The following FAIM2 variants were observed in gnomAD, a reference collection of about 807,000 sequenced individuals.
The protein encoded by FAIM2 is Fas apoptotic inhibitory molecule 2.
FAIM2 carries 27 observed loss-of-function variants against 47.4 expected under a neutral mutation model. The observed-to-expected ratio is 0.57, with a 90% confidence interval of 0.42 to 0.78. The LOEUF is 0.78. FAIM2 is among the 30% of genes least tolerant of loss of function. The pLI is 0.00. For missense variants in FAIM2, 311 were observed against 389.4 expected, an observed-to-expected ratio of 0.80 and a Z score of 1.69; for synonymous variants, 156 against 159.3, an observed-to-expected ratio of 0.98 and a Z score of 0.16.
chr12:49,876,696 C>T (rs2137081071), intron 11 of FAIM2, among the ~76,000 whole-genome samples: 1 of 152,070 alleles, frequency 6.6e-6, no homozygotes, highest in Non-Finnish European at 1.5e-5. Flanking sequence ...GGCGTGAACC[C>T]AGGAGGCAGA....
At chr12:49,873,334 T>C (rs1041650289) in intron 11 of FAIM2, among the ~76,000 whole-genome samples, 1 of 152,120 alleles carries the variant, frequency 6.6e-6, no homozygotes, top group African/African-American at 2.4e-5. Flanking sequence ...GTATGTGGCA[T>C]CCACTATTTG....
Position 49,889,143 on chromosome 12 carries a change from G to T in FAIM2, c.711C>A (p.Ser237Arg). Residue 237 changes from serine to arginine, a missense_variant, in exon 10 of 12, where the codon AGC becomes AGA. By Grantham distance (110) the Ser-to-Arg change is moderately radical. Transcript: ENST00000320634. ...GTAGGAGGATGGCCAGGATGAGTCC[G>T]CTGAAGAAAAGAGTCATGAGAAGCA... ...LFVLLMTLFF[S>R]GLILAILLPF... 6.2e-7 allele frequency: 1 copy of T among 1,611,930 alleles called. No individual in the cohort carries two copies. Among genetic ancestry groups the T allele is most frequent in the Non-Finnish European group, 8.5e-7 (1 of 1,179,080 alleles).
Position 49,867,657 on chromosome 12 carries a change from C to A in FAIM2, c.*2847G>T, listed in dbSNP as rs960197988. On this transcript the variant is annotated 3_prime_UTR_variant, in exon 12 of 12. Coordinates refer to ENST00000320634, the MANE Select transcript of FAIM2 (RefSeq NM_012306.4). ...CAGCTTTACAAAATCCAGCCCACCCCTTCCTGGGCCCAGCCCCACCCAGGC... is the reference window on the plus strand; with the variant it reads ...CAGCTTTACAAAATCCAGCCCACCCATTCCTGGGCCCAGCCCCACCCAGGC... The A allele has an allele frequency of 6.6e-6, 1 of 152,340 alleles. No individual in the cohort carries two copies. Among genetic ancestry groups the A allele is most frequent in the East Asian group, 1.9e-4 (1 of 5,194 alleles). The allele number at this position is 152,340 out of a possible 1,614,324, so 9.4% of individuals were successfully genotyped here. A position where few individuals can be genotyped will look rare whatever the true frequency, so the allele number is the denominator to read the frequency against.
chr12:49,889,465 A>T lies in FAIM2; in HGVS notation c.651+16T>A, dbSNP rs1285483127. The stretch of plus-strand genomic sequence containing the variant: ...CCTCAGGCCAGGGGTCCCTGCCTGC[A>T]GGCCCCAGAGCTGACCTTGGTCTGG... On this transcript the variant is annotated intron_variant, in intron 9 of 11. Coordinates refer to ENST00000320634, the MANE Select transcript of FAIM2 (RefSeq NM_012306.4). 1 of 1,611,266 alleles carries T rather than the reference A, an allele frequency of 6.2e-7. No individual in the cohort carries two copies. Among genetic ancestry groups the T allele is most frequent in the Non-Finnish European group, 8.5e-7 (1 of 1,177,566 alleles).
chr12:49,871,671 T>C (rs915363200), intron 11 of FAIM2, among the ~76,000 whole-genome samples: 2 of 87,796 alleles, frequency 2.3e-5, no homozygotes, highest in Non-Finnish European at 4.4e-5. Context: ...TTTCTTTTCT[T>C]TTTTTTTTTT....
In FAIM2 at chr12:49,869,587, C is replaced by G. The variant is rs955415402; in HGVS notation, c.*917G>C. ...GGCCTGGCAGCTACAGCGATTGCCT[C>G]CTCCCCCAGAACATCCAGCCGGAGG... On this transcript the variant is annotated 3_prime_UTR_variant, in exon 12 of 12. Coordinates refer to ENST00000320634, the MANE Select transcript of FAIM2 (RefSeq NM_012306.4). 7.9e-5 allele frequency: 12 copies of G among 152,528 alleles called. No individual in the cohort carries two copies. Among genetic ancestry groups the G allele is most frequent in the African/African-American group, 2.9e-4 (12 of 41,432 alleles). 9.4% of individuals were successfully genotyped at this position (152,528 alleles called of 1,614,324 possible). A position where few individuals can be genotyped will look rare whatever the true frequency, so the allele number is the denominator to read the frequency against.
intron 2 of FAIM2, 87 bp downstream of exon 2, chr12:49,901,043 T>C (rs1946977881): frequency 9.3e-7 from 1 of 1,072,774 alleles, no homozygotes; most frequent in African/African-American, 1.6e-5. Context: ...TGTACCTCTT[T>C]CTGGACAACT....
At chr12:49,878,019 TGTGA>T (rs1164966616) in intron 11 of FAIM2, among the ~76,000 whole-genome samples, 5 of 151,550 alleles carry the variant, frequency 3.3e-5, no homozygotes, top group African/African-American at 1.2e-4. Context: ...TGTGTGTATG[TGTGA>T]GTGTGGGTAT....
chr12:49,872,381 G>A (rs706798), intron 11 of FAIM2, among the ~76,000 whole-genome samples: 96,316 of 152,044 alleles, frequency 0.63, 31,357 homozygotes, highest in East Asian at 0.76. Flanking sequence ...TGGGGAACTC[G>A]GTGAGGCAGG....
chr12:49,877,951 T>C (rs1324348732), intron 11 of FAIM2, among the ~76,000 whole-genome samples: 1 of 150,102 alleles, frequency 6.7e-6, no homozygotes, highest in East Asian at 1.9e-4. Flanking sequence ...TATATGTGCG[T>C]ATGTGTGTGT....
intron 11 of FAIM2, among the ~76,000 whole-genome samples, chr12:49,878,609 T>C (rs1325540877): frequency 7.3e-6 from 1 of 136,680 alleles, no homozygotes; most frequent in Non-Finnish European, 1.6e-5. Context: ...TGTGTGCATG[T>C]GTATGTGTGC....
Position 49,874,975 on chromosome 12 carries a change from G to A in FAIM2, c.802-4322C>T, listed in dbSNP as rs575769116. On this transcript the variant is annotated intron_variant, in intron 11 of 11. Transcript: ENST00000320634. This position sits in a 1 kb window ranked among gnomAD's most constrained non-coding sequence, Gnocchi z 4.2. ...CGTATGATCCCATAAAACTATACAC[G>A]TCAGAGGAGCGCACATAGCAAATAT... is the stretch of plus-strand genomic sequence containing the variant. Among the ~76,000 whole-genome samples, 1 of 152,260 alleles carries A rather than the reference G, an allele frequency of 6.6e-6. No individual in the cohort carries two copies. Among genetic ancestry groups the A allele is most frequent in the East Asian group, 1.9e-4 (1 of 5,188 alleles).
intron 11 of FAIM2, among the ~76,000 whole-genome samples, chr12:49,882,406 C>T (rs1308753038): frequency 1.3e-5 from 2 of 152,124 alleles, no homozygotes; most frequent in African/African-American, 2.4e-5. Context: ...CCTCCGAGGG[C>T]CTTCGTCTAC....
intron 11 of FAIM2, among the ~76,000 whole-genome samples, chr12:49,881,436 C>A (rs555536482): frequency 3.3e-5 from 5 of 152,230 alleles, no homozygotes; most frequent in Admixed American, 6.5e-5. Context: ...ACTTGGGCTC[C>A]TGATTTAGGG....
chr12:49,883,988 G>A (rs1946843539), intron 11 of FAIM2, among the ~76,000 whole-genome samples: 1 of 152,104 alleles, frequency 6.6e-6, no homozygotes, highest in Non-Finnish European at 1.5e-5. Flanking sequence ...TTGGGAGGCT[G>A]AGGCGGGCGG....
At chr12:49,892,271 G>A (rs11169202) in intron 5 of FAIM2, among the ~76,000 whole-genome samples, 3,456 of 152,002 alleles carry the variant, frequency 0.023, 60 homozygotes, top group Non-Finnish European at 0.033. Flanking sequence ...AATTGCCCGG[G>A]GATCTCCATT....
At chr12:49,894,477 G>C (rs756751803) in intron 5 of FAIM2, among the ~76,000 whole-genome samples, 5 of 152,162 alleles carry the variant, frequency 3.3e-5, no homozygotes, top group East Asian at 1.9e-4. Flanking sequence ...GGCTGTGGGT[G>C]GGGGAGGGGG....
chr12:49,897,703 G>C, intron 3 of FAIM2, 120 bp from the exon 4 acceptor site: 1 of 733,038 alleles, frequency 1.4e-6, no homozygotes, highest in Non-Finnish European at 2.3e-6. Flanking sequence ...CTTTTTGGGG[G>C]TCATTGGAGT....
At chr12:49,880,456 GTA>G (rs896640032) in intron 11 of FAIM2, among the ~76,000 whole-genome samples, 47 of 64,828 alleles carry the variant, frequency 7.2e-4, no homozygotes, top group Middle Eastern at 0.013. Context: ...ATGTGCATGT[GTA>G]TGTGTGTGTG....
Sources: allele counts gnomAD v4.1 joint callset (sites outside exome capture counted in the v4.1 genomes callset), GRCh38; gene constraint gnomAD v4.1.1; non-coding constraint Gnocchi (gnomAD v3.1); transcripts MANE v1.5; gene names NCBI Gene and HGNC (gene_info 2026-07-23, HGNC 2026-07-21).